TMEM132B: variants seen among roughly 807,000 people sequenced by gnomAD.
The protein encoded by TMEM132B is transmembrane protein 132B.
Under a neutral mutation model 90.8 loss-of-function variants are expected in TMEM132B, and 18 were observed. That is an observed-to-expected ratio of 0.20 (90% CI 0.14 to 0.29). The LOEUF (loss-of-function observed/expected upper bound fraction) is 0.29, where lower values mean the gene tolerates loss of function less well. TMEM132B is among the 10% of genes least tolerant of loss of function. TMEM132B has a pLI of 1.00. For synonymous variants in TMEM132B, 504 were observed against 523.3 expected (o/e 0.96, Z 0.50); for missense variants, 1,096 against 1,326.8 (o/e 0.83, Z 2.70).
chr12:125,651,257 A>G (rs887598679), intron 7 of TMEM132B, among the ~76,000 whole-genome samples: 3 of 152,174 alleles, frequency 2.0e-5, no homozygotes, highest in Admixed American at 6.5e-5. Context: ...TTTCCCCAAC[A>G]TCATATTCTC....
intron 5 of TMEM132B, among the ~76,000 whole-genome samples, chr12:125,630,166 A>G (rs1189463580): frequency 6.6e-6 from 1 of 152,146 alleles, no homozygotes; most frequent in Non-Finnish European, 1.5e-5. Context: ...TGAATTTGGA[A>G]GTATTCCCTC....
intron 1 of TMEM132B, among the ~76,000 whole-genome samples, chr12:125,282,668 G>C (rs1380957895): frequency 2.0e-5 from 3 of 152,192 alleles, no homozygotes; most frequent in Admixed American, 1.3e-4. Flanking sequence ...GTGGCAATCA[G>C]AGATCCTAGC....
rs1875010951 is a variant in TMEM132B, at chr12:125,277,042, T to A, written c.68-72410T>A. ...TGTGGGTACCGTGGGTTGAATTATG[T>A]CCACCAAAACATATGTCCAAGTCCT... is the stretch of plus-strand genomic sequence containing the variant. On this transcript the variant is annotated intron_variant, in intron 1 of 8. Transcript: ENST00000682704. The surrounding 1 kb of genome is among the most constrained non-coding windows in gnomAD (Gnocchi z 4.3). 6.6e-6 allele frequency among the ~76,000 whole-genome samples: 1 copy of A among 152,198 alleles called. No homozygotes were observed.
At chr12:125,624,304 G>A (rs1315391525) in intron 5 of TMEM132B, among the ~76,000 whole-genome samples, 3 of 152,120 alleles carry the variant, frequency 2.0e-5, no homozygotes, top group Non-Finnish European at 2.9e-5. Flanking sequence ...GCAGAGAGGG[G>A]CTCCCAGGAC....
At chr12:125,260,776 A>G (rs533874576) in intron 1 of TMEM132B, among the ~76,000 whole-genome samples, 1 of 152,344 alleles carries the variant, frequency 6.6e-6, no homozygotes, top group African/African-American at 2.4e-5. Context: ...AAGGCTGGGC[A>G]TAGTGGCTCA....
intron 1 of TMEM132B, among the ~76,000 whole-genome samples, chr12:125,276,943 G>T (rs1432576777): frequency 6.6e-6 from 1 of 152,176 alleles, no homozygotes; most frequent in Non-Finnish European, 1.5e-5. Flanking sequence ...TAATCAAACG[G>T]TCTTTCATCA....
intron 1 of TMEM132B, among the ~76,000 whole-genome samples, chr12:125,270,960 T>C (rs1229858925): frequency 2.0e-5 from 3 of 151,420 alleles, no homozygotes; most frequent in African/African-American, 2.4e-5. Context: ...TTTTTTTTTT[T>C]TCCCGAAAGA....
chr12:125,503,421 T>C (rs1206899269), intron 3 of TMEM132B, among the ~76,000 whole-genome samples: 4 of 152,190 alleles, frequency 2.6e-5, no homozygotes, highest in Non-Finnish European at 2.9e-5. Context: ...TTCAGGCCAA[T>C]TAGTGGTCTT....
At chr12:125,264,442 A>G (rs1874639480) in intron 1 of TMEM132B, among the ~76,000 whole-genome samples, 2 of 152,200 alleles carry the variant, frequency 1.3e-5, no homozygotes, top group East Asian at 3.8e-4. Context: ...CAGAAAAGGT[A>G]GGGTGTTCTG....
intron 3 of TMEM132B, among the ~76,000 whole-genome samples, chr12:125,494,403 GCA>G (rs2136571190): frequency 8.7e-6 from 1 of 114,502 alleles, no homozygotes; most frequent in Admixed American, 1.0e-4. Flanking sequence ...TAAAATGGAT[GCA>G]TGCCTCCTCC....
chr12:125,464,415 T>G (rs112630160), intron 3 of TMEM132B, among the ~76,000 whole-genome samples: 1 of 152,116 alleles, frequency 6.6e-6, no homozygotes, highest in Non-Finnish European at 1.5e-5. Context: ...CTGGTTTAAA[T>G]GTTGGATGGG....
chr12:125,620,434 C>T (rs1886090315), intron 5 of TMEM132B, among the ~76,000 whole-genome samples: 1 of 152,186 alleles, frequency 6.6e-6, no homozygotes, highest in Non-Finnish European at 1.5e-5. Flanking sequence ...CCTCCTTCCA[C>T]AAGTTAATGG....
At chr12:125,644,392 G>C in intron 6 of TMEM132B, 111 bp downstream of exon 6, 2 of 1,184,576 alleles carry the variant, frequency 1.7e-6, no homozygotes, top group Non-Finnish European at 2.4e-6. Flanking sequence ...CATCCACAGC[G>C]GGAAGCGTGG....
intron 5 of TMEM132B, among the ~76,000 whole-genome samples, chr12:125,634,590 A>T (rs1193286280): frequency 6.6e-6 from 1 of 152,180 alleles, no homozygotes; most frequent in Admixed American, 6.5e-5. Flanking sequence ...TAGTACCAGG[A>T]TATTGCCGCT....
intron 1 of TMEM132B, among the ~76,000 whole-genome samples, chr12:125,256,219 G>C (rs767364166): frequency 6.6e-6 from 1 of 152,162 alleles, no homozygotes; most frequent in African/African-American, 2.4e-5. Context: ...AAACAGGGAG[G>C]TGTTTGGAAA....
chr12:125,567,693 G>A (rs1303122963), intron 4 of TMEM132B, among the ~76,000 whole-genome samples: 1 of 152,174 alleles, frequency 6.6e-6, no homozygotes, highest in Non-Finnish European at 1.5e-5. Context: ...CTCAGTTTTA[G>A]GTTTTAACTG....
chr12:125,432,210 A>G (rs1235082921), intron 3 of TMEM132B, among the ~76,000 whole-genome samples: 1 of 151,534 alleles, frequency 6.6e-6, no homozygotes, highest in African/African-American at 2.4e-5. Context: ...ATGGTCTGCC[A>G]GGCTGGTTAT....
At chr12:125,424,640 G>A (rs1182363990) in intron 3 of TMEM132B, among the ~76,000 whole-genome samples, 4 of 152,226 alleles carry the variant, frequency 2.6e-5, no homozygotes. Flanking sequence ...CTAGCGGAAT[G>A]CCAGAAAGGC....
In TMEM132B at chr12:125,415,733, C is replaced by G; in HGVS notation, c.1106+56C>G. On this transcript the variant is annotated intron_variant, in intron 3 of 8. Coordinates refer to ENST00000682704, the MANE Select transcript of TMEM132B (RefSeq NM_001366854.1). The surrounding 1 kb of genome is among the most constrained non-coding windows in gnomAD (Gnocchi z 5.3). ...CAGTGGGGAGGAGGGGAGTGGCTGC[C>G]AGAGCTGATAGCAAAATAATGTGCG... 1 of 1,588,804 alleles carries G rather than the reference C, an allele frequency of 6.3e-7. No individual in the cohort carries two copies. The highest frequency in any genetic ancestry group is 8.6e-7 in the Non-Finnish European group (1 of 1,167,418).
Sources: allele counts gnomAD v4.1 joint callset (sites outside exome capture counted in the v4.1 genomes callset), GRCh38; gene constraint gnomAD v4.1.1; non-coding constraint Gnocchi (gnomAD v3.1); transcripts MANE v1.5; gene names NCBI Gene and HGNC (gene_info 2026-07-23, HGNC 2026-07-21).